The following FBRSL1 variants were observed in gnomAD, a reference collection of about 807,000 sequenced individuals.
The protein encoded by FBRSL1 is fibrosin-1-like protein.
In FBRSL1, 51 loss-of-function variants were observed where a neutral mutation model predicts 89.6. That is an observed-to-expected ratio of 0.57 (90% CI 0.45 to 0.72). FBRSL1 has a LOEUF of 0.72. FBRSL1 is among the 30% of genes least tolerant of loss of function. The pLI is 0.00. For synonymous variants in FBRSL1, 779 were observed against 681.1 expected (o/e 1.14, Z -2.24); for missense variants, 1,618 against 1,451.8 (o/e 1.11, Z -1.86).
In FBRSL1 at chr12:132,583,890, AC is replaced by A; in HGVS notation, c.*115del. On this transcript the variant is annotated 3_prime_UTR_variant, in exon 19 of 19. Coordinates refer to ENST00000680143, the MANE Select transcript of FBRSL1 (RefSeq NM_001367871.1). ...GATCCTGGGGCGGCGCCGCCTCTCC[AC>A]CCGCAGCCTGCGGAGGCGGGGACTT... 2.0e-6 allele frequency: 1 copy of A among 494,240 alleles called. No individual in the cohort carries two copies. The highest frequency in any genetic ancestry group is 9.6e-5 in the South Asian group (1 of 10,470). The allele number at this position is 494,240 out of a possible 1,614,324, so 30.6% of individuals were successfully genotyped here.
At chr12:132,570,583 G>T in intron 8 of FBRSL1, 43 bp downstream of exon 8, 1 of 1,437,566 alleles carries the variant, frequency 7.0e-7, no homozygotes, top group Non-Finnish European at 9.1e-7. Flanking sequence ...AGGGGTTGGG[G>T]GGTGCGGGGA....
At chr12:132,506,197 G>A (rs1188919459) in intron 1 of FBRSL1, among the ~76,000 whole-genome samples, 2 of 152,194 alleles carry the variant, frequency 1.3e-5, no homozygotes, top group African/African-American at 2.4e-5. Flanking sequence ...GACTGTGGCC[G>A]GGGTGGGGAG....
chr12:132,521,311 G>A (rs965320435), intron 2 of FBRSL1, among the ~76,000 whole-genome samples: 4 of 152,212 alleles, frequency 2.6e-5, no homozygotes, highest in African/African-American at 9.6e-5. Flanking sequence ...ACGGATGGCG[G>A]CAGCTCCGCC....
chr12:132,572,106 G>A (rs1343669301), intron 9 of FBRSL1, 182 bp from the exon 10 acceptor site: 2 of 604,910 alleles, frequency 3.3e-6, no homozygotes, highest in Non-Finnish European at 2.9e-6. Context: ...CCTGGTCTGA[G>A]ACTGAGTTCA....
intron 18 of FBRSL1, 93 bp from the exon 19 acceptor site, chr12:132,582,877 TG>T (rs2040875985): frequency 1.9e-6 from 2 of 1,067,768 alleles, no homozygotes; most frequent in Non-Finnish European, 2.4e-6. Context: ...ACCCAGAAAC[TG>T]GAGGCCCCGA....
chr12:132,511,635 C>G (rs1220637380), intron 2 of FBRSL1: 3 of 985,596 alleles, frequency 3.0e-6, no homozygotes, highest in African/African-American at 1.7e-5. Flanking sequence ...ACAGGAGGCT[C>G]TGGTCCTGCA....
chr12:132,546,893 C>T lies in FBRSL1; in HGVS notation c.616-1110C>T, dbSNP rs910910773. On this transcript the variant is annotated intron_variant, in intron 4 of 18. Coordinates refer to ENST00000680143, the MANE Select transcript of FBRSL1 (RefSeq NM_001367871.1). The surrounding 1 kb of genome is among the most constrained non-coding windows in gnomAD (Gnocchi z 4.0). ...TCCGTCGCTGAACACTCGGCAGCCG[C>T]GGCTGCACATGGAGGGTGGCTGTGC... is the stretch of plus-strand genomic sequence containing the variant. 3.9e-5 allele frequency among the ~76,000 whole-genome samples: 6 copies of T among 152,238 alleles called. No homozygotes were observed. Among genetic ancestry groups the T allele is most frequent in the Non-Finnish European group, 8.8e-5 (6 of 68,038 alleles).
chr12:132,570,032 CCCCGCGCCCCAT>C lies in FBRSL1; in HGVS notation c.799_810del (p.Pro267_His270del). ...CCGAGAGCTTCCTGCCCACTGCCAG[CCCCGCGCCCCAT>C]GCCGCGCCCTGCCCGGGGCCCCCGC... On this transcript the variant is annotated inframe_deletion, in exon 7 of 19. Transcript: ENST00000680143. 1 of 1,511,636 alleles carries C rather than the reference CCCCGCGCCCCAT, an allele frequency of 6.6e-7. No homozygotes were observed. The allele number at this position is 1,511,636 out of a possible 1,614,324, so 93.6% of individuals were successfully genotyped here. A position where few individuals can be genotyped will look rare whatever the true frequency, so the allele number is the denominator to read the frequency against.
chr12:132,532,694 A>AG (rs2036389251), intron 4 of FBRSL1, among the ~76,000 whole-genome samples: 1 of 109,222 alleles, frequency 9.2e-6, no homozygotes, highest in Non-Finnish European at 1.8e-5. Context: ...TCGCTGTCCC[A>AG]GGCGGGGTGT....
chr12:132,570,265 G>C, intron 7 of FBRSL1, 24 bp downstream of exon 7: 1 of 1,501,658 alleles, frequency 6.7e-7, no homozygotes. Flanking sequence ...GGGGGACGGG[G>C]CCTGTGTGGT....
intron 1 of FBRSL1, among the ~76,000 whole-genome samples, chr12:132,498,003 C>T (rs74926795): frequency 1.3e-3 from 195 of 152,240 alleles, no homozygotes; most frequent in African/African-American, 4.4e-3. Flanking sequence ...CTGGGAGGCC[C>T]ATTGCTGAGC....
Position 132,527,964 on chromosome 12 carries a change from T to C in FBRSL1, c.591T>C (p.His197=). ...CTTCCTTCCTGCAGAGCTCTGCGCA[T>C]GCGGTCTCGGGGAGAGGCTACTCTG... ...SRDPLSDSSA[H]AVSGRGYSCD... is the part of the protein sequence containing the mutation. The change falls in exon 4 of 19, where the codon CAT becomes CAC. Residue 197 remains histidine, a synonymous_variant. Transcript: ENST00000680143. 6.4e-7 allele frequency: 1 copy of C among 1,551,382 alleles called. No individual in the cohort carries two copies. The highest frequency in any genetic ancestry group is 2.4e-5 in the East Asian group (1 of 40,910).
At chr12:132,570,625 C>G (rs2039946234) in intron 8 of FBRSL1, 85 bp downstream of exon 8, 3 of 1,186,798 alleles carry the variant, frequency 2.5e-6, no homozygotes, top group Admixed American at 2.9e-5. Flanking sequence ...CACAGCCTGG[C>G]CCTCCACCTG....
chr12:132,510,732 A>C, intron 2 of FBRSL1: 6 of 1,198,450 alleles, frequency 5.0e-6, no homozygotes, highest in Non-Finnish European at 5.2e-6. Flanking sequence ...CTCTCCCCCC[A>C]CTGGCGTCAC....
intron 9 of FBRSL1, chr12:132,572,001 G>T (rs2040052465): frequency 2.0e-6 from 1 of 508,290 alleles, no homozygotes; most frequent in Non-Finnish European, 3.5e-6. Flanking sequence ...CAGCAGCCAG[G>T]GCTTCACGCC....
chr12:132,566,413 A>C (rs1465646775), intron 5 of FBRSL1: 1 of 133,478 alleles, frequency 7.5e-6, no homozygotes, highest in Non-Finnish European at 1.6e-5. Context: ...AATCAAAAAA[A>C]AAAAAAAAAG....
At chr12:132,577,477 C>T (rs979885466) in intron 15 of FBRSL1, among the ~76,000 whole-genome samples, 1 of 152,224 alleles carries the variant, frequency 6.6e-6, no homozygotes, top group Non-Finnish European at 1.5e-5. Context: ...TGCATGGTTG[C>T]TCCCGGGGTC....
intron 2 of FBRSL1, 65 bp downstream of exon 2, chr12:132,508,415 G>T: frequency 7.0e-7 from 1 of 1,428,110 alleles, no homozygotes; most frequent in Non-Finnish European, 9.2e-7. Flanking sequence ...CCAGGGCCAT[G>T]CCAGCACCTG....
chr12:132,581,592 G>A (rs1204584300), intron 16 of FBRSL1, 76 bp downstream of exon 16: 12 of 1,519,586 alleles, frequency 7.9e-6, no homozygotes, highest in African/African-American at 6.9e-5. Context: ...TTAGGTGGGC[G>A]GGAAGGTGGC....
Sources: gnomAD v4.1 joint callset for allele counts (sites outside exome capture counted in the v4.1 genomes callset) on GRCh38, gnomAD v4.1.1 for gene constraint, Gnocchi (gnomAD v3.1) non-coding constraint, MANE v1.5 for transcripts, NCBI Gene and HGNC (gene_info 2026-07-23, HGNC 2026-07-21) for gene names.